Variants in SLC35F4 observed in about 807,000 individuals in gnomAD.
SLC35F4 encodes chromosome 14 open reading frame 36.
In SLC35F4, 24 loss-of-function variants were observed where a neutral mutation model predicts 44.2. That is an observed-to-expected ratio of 0.54 (90% CI 0.39 to 0.76). The LOEUF (loss-of-function observed/expected upper bound fraction) is 0.76, where lower values mean the gene tolerates loss of function less well. Among genes scored for constraint, SLC35F4 ranks in the 30% least tolerant of loss-of-function variants. The pLI is 0.00. For synonymous variants in SLC35F4, 238 were observed against 223.6 expected (o/e 1.06, Z -0.57); for missense variants, 562 against 586.1 (o/e 0.96, Z 0.42).
At chr14:57,979,766 T>C (rs1338045487) in intron 1 of SLC35F4, among the ~76,000 whole-genome samples, 1 of 152,210 alleles carries the variant, frequency 6.6e-6, no homozygotes, top group Non-Finnish European at 1.5e-5. Flanking sequence ...CAGTAGCCAA[T>C]TCATTTATAT....
chr14:57,962,979 A>T (rs942867388), intron 1 of SLC35F4, among the ~76,000 whole-genome samples: 1 of 152,106 alleles, frequency 6.6e-6, no homozygotes, highest in African/African-American at 2.4e-5. Flanking sequence ...GGGAAAAAAG[A>T]AAAAAAATAC....
At chr14:57,709,552 T>C (rs1448845887) in intron 1 of SLC35F4, among the ~76,000 whole-genome samples, 3 of 152,196 alleles carry the variant, frequency 2.0e-5, no homozygotes, top group African/African-American at 7.2e-5. Context: ...TATTTTATTA[T>C]ACTGGAACAG....
chr14:57,871,428 T>TC (rs1288395901), intron 1 of SLC35F4, among the ~76,000 whole-genome samples: 2 of 152,200 alleles, frequency 1.3e-5, no homozygotes, highest in African/African-American at 2.4e-5. Flanking sequence ...AAAGATTTTT[T>TC]TAAACCCTTT....
At chr14:57,659,608 A>G (rs1186947705) in intron 1 of SLC35F4, among the ~76,000 whole-genome samples, 2 of 152,148 alleles carry the variant, frequency 1.3e-5, no homozygotes, top group African/African-American at 4.8e-5. Flanking sequence ...GGTCACATAG[A>G]TGGTAAATAA....
chr14:57,900,606 C>T (rs1888979637), intron 1 of SLC35F4, among the ~76,000 whole-genome samples: 1 of 152,046 alleles, frequency 6.6e-6, no homozygotes, highest in Non-Finnish European at 1.5e-5. Flanking sequence ...CAGAGAATGC[C>T]TAACAAGGCA....
chr14:57,594,250 T>C, intron 1 of SLC35F4, 126 bp from the exon 2 acceptor site: 1 of 936,426 alleles, frequency 1.1e-6, no homozygotes, highest in Non-Finnish European at 1.5e-6. Flanking sequence ...AGTGCAGTGG[T>C]GTGATCTCGA....
intron 1 of SLC35F4, among the ~76,000 whole-genome samples, chr14:57,775,578 A>G (rs2347360): frequency 0.5 from 76,138 of 152,132 alleles, 22,487 homozygotes; most frequent in African/African-American, 0.81. Flanking sequence ...GAAGCCAGTC[A>G]ACTGAACCCA....
At chr14:57,876,105 C>T (rs1888395451) in intron 1 of SLC35F4, among the ~76,000 whole-genome samples, 1 of 152,130 alleles carries the variant, frequency 6.6e-6, no homozygotes, top group African/African-American at 2.4e-5. Context: ...AATTCCAAAC[C>T]TTTTGACTTC....
At chr14:57,885,511 G>C (rs1181921987) in intron 1 of SLC35F4, among the ~76,000 whole-genome samples, 2 of 151,854 alleles carry the variant, frequency 1.3e-5, no homozygotes, top group African/African-American at 2.4e-5. Flanking sequence ...GTTTTCTCCA[G>C]CCTTAGGATC....
intron 3 of SLC35F4, among the ~76,000 whole-genome samples, chr14:57,582,907 A>G (rs2069397518): frequency 6.6e-6 from 1 of 152,202 alleles, no homozygotes; most frequent in South Asian, 2.1e-4. Flanking sequence ...GTATAGCCTT[A>G]AAGATTAAGT....
chr14:57,695,638 A>C (rs1046503569), intron 1 of SLC35F4, among the ~76,000 whole-genome samples: 1 of 152,098 alleles, frequency 6.6e-6, no homozygotes, highest in African/African-American at 2.4e-5. Flanking sequence ...CTAGAACTAG[A>C]AATACCATTT....
At chr14:57,627,370 G>T (rs1403160649) in intron 1 of SLC35F4, among the ~76,000 whole-genome samples, 1 of 152,108 alleles carries the variant, frequency 6.6e-6, no homozygotes, top group Non-Finnish European at 1.5e-5. Context: ...AGTCCCTGTT[G>T]CAAGCATTAA....
At chr14:57,971,224 A>G (rs1881045086) in intron 1 of SLC35F4, among the ~76,000 whole-genome samples, 1 of 152,214 alleles carries the variant, frequency 6.6e-6, no homozygotes, top group South Asian at 2.1e-4. Flanking sequence ...AAAAATACCA[A>G]AACAATTTCC....
intron 1 of SLC35F4, among the ~76,000 whole-genome samples, chr14:57,741,089 T>C (rs1448774779): frequency 6.6e-6 from 1 of 152,114 alleles, no homozygotes. Flanking sequence ...TACATTACCA[T>C]CATCAAAGAC....
intron 1 of SLC35F4, among the ~76,000 whole-genome samples, chr14:57,618,932 G>A (rs1481026775): frequency 6.6e-6 from 1 of 152,040 alleles, no homozygotes; most frequent in Non-Finnish European, 1.5e-5. Flanking sequence ...TGGGAAGTTC[G>A]AACTGGGTGG....
chr14:57,754,645 C>A (rs2064360750), intron 1 of SLC35F4, among the ~76,000 whole-genome samples: 2 of 152,204 alleles, frequency 1.3e-5, no homozygotes, highest in Non-Finnish European at 2.9e-5. Context: ...GAGAAAAGGG[C>A]CTTGCCTTTC....
At chr14:57,825,094 T>C (rs112236206) in intron 1 of SLC35F4, among the ~76,000 whole-genome samples, 19 of 152,056 alleles carry the variant, frequency 1.2e-4, no homozygotes, top group African/African-American at 4.3e-4. Context: ...TGGTAGAACT[T>C]AAGCTTGTGG....
intron 4 of SLC35F4, among the ~76,000 whole-genome samples, chr14:57,578,352 T>G (rs1381134134): frequency 2.3e-5 from 3 of 131,674 alleles, no homozygotes; most frequent in Admixed American, 1.5e-4. Flanking sequence ...TTTTTTTTTT[T>G]TTTTTTTTTT....
intron 1 of SLC35F4, among the ~76,000 whole-genome samples, chr14:57,959,982 G>A (rs941015040): frequency 6.6e-6 from 1 of 152,140 alleles, no homozygotes; most frequent in African/African-American, 2.4e-5. Context: ...GGGACAAGCA[G>A]GTTTTGACCA....
Sources: allele counts gnomAD v4.1 joint callset (sites outside exome capture counted in the v4.1 genomes callset), GRCh38; gene constraint gnomAD v4.1.1; transcripts MANE v1.5; gene names NCBI Gene and HGNC (gene_info 2026-07-23, HGNC 2026-07-21).